Variants in RIC1 observed in about 807,000 individuals in gnomAD.
RIC1 encodes the protein RIC1 partner of RAB6A GEF complex, also known as guanine nucleotide exchange factor subunit RIC1.
In RIC1, 88 loss-of-function variants were observed where a neutral mutation model predicts 169.0. The observed-to-expected ratio is 0.52, with a 90% CI of 0.44 to 0.62. The LOEUF is 0.62. RIC1 is among the 20% of genes least tolerant of loss of function. The pLI is 0.00. For missense variants in RIC1, 1,877 were observed against 1,725.5 expected (o/e 1.09, Z -1.56); for synonymous variants, 790 against 601.5 (o/e 1.31, Z -4.59).
At chr9:5,671,347 T>C (rs773544634) in intron 2 of RIC1, among the ~76,000 whole-genome samples, 7 of 151,780 alleles carry the variant, frequency 4.6e-5, no homozygotes, top group Admixed American at 4.6e-4. Context: ...CAATCTCTGC[T>C]CACTGCAACC....
chr9:5,699,031 C>T (rs1351110902), intron 3 of RIC1, among the ~76,000 whole-genome samples: 2 of 152,132 alleles, frequency 1.3e-5, no homozygotes, highest in African/African-American at 4.8e-5. Flanking sequence ...AGACTTGACT[C>T]CTCTGGGGAA....
chr9:5,690,437 G>T (rs925861134), intron 3 of RIC1, among the ~76,000 whole-genome samples: 9 of 151,942 alleles, frequency 5.9e-5, no homozygotes, highest in African/African-American at 2.2e-4. Flanking sequence ...TTACCTCTTG[G>T]TTTAAATTTG....
intron 6 of RIC1, among the ~76,000 whole-genome samples, chr9:5,720,966 C>A (rs1823554685): frequency 6.6e-6 from 1 of 152,098 alleles, no homozygotes; most frequent in Admixed American, 6.6e-5. Flanking sequence ...TCTCCTCATG[C>A]CTAATTTTCC....
chr9:5,683,185 G>A (rs1234212080), intron 2 of RIC1, among the ~76,000 whole-genome samples: 1 of 152,190 alleles, frequency 6.6e-6, no homozygotes, highest in Non-Finnish European at 1.5e-5. Context: ...TACATTGTTT[G>A]TGAGGAGCTG....
intron 1 of RIC1, among the ~76,000 whole-genome samples, chr9:5,635,981 A>T (rs1817953240): frequency 6.6e-6 from 1 of 152,254 alleles, no homozygotes; most frequent in Non-Finnish European, 1.5e-5. Context: ...ACTAACACAC[A>T]GGTAATGTGA....
intron 23 of RIC1, among the ~76,000 whole-genome samples, chr9:5,772,143 C>T (rs931294413): frequency 1.3e-5 from 2 of 152,082 alleles, no homozygotes; most frequent in South Asian, 4.1e-4. Flanking sequence ...GTTCCCCCAC[C>T]CTCTCCTTTT....
chr9:5,768,883 T>C (rs771142292), intron 21 of RIC1, 87 bp from the exon 22 acceptor site: 1 of 1,388,096 alleles, frequency 7.2e-7, no homozygotes, highest in Non-Finnish European at 9.8e-7. Context: ...TATCTCCTTG[T>C]CAGCTTTATC....
intron 2 of RIC1, among the ~76,000 whole-genome samples, chr9:5,683,432 G>A (rs1358698668): frequency 1.3e-5 from 2 of 152,170 alleles, no homozygotes; most frequent in African/African-American, 4.8e-5. Flanking sequence ...GTTTGCCTGG[G>A]TATCAGCAGC....
At chr9:5,743,113 C>T in intron 9 of RIC1, 100 bp downstream of exon 9, 1 of 1,082,568 alleles carries the variant, frequency 9.2e-7, no homozygotes, top group Admixed American at 2.4e-5. Flanking sequence ...TTTGCCTTGA[C>T]TCTTACCTTA....
chr9:5,630,312 G>A (rs1222096999), intron 1 of RIC1, among the ~76,000 whole-genome samples: 1 of 152,176 alleles, frequency 6.6e-6, no homozygotes, highest in Admixed American at 6.5e-5. Context: ...GAACGACAGA[G>A]TTCAGAGTAT....
At chr9:5,723,634 A>G (rs1823758352) in intron 6 of RIC1, among the ~76,000 whole-genome samples, 1 of 152,192 alleles carries the variant, frequency 6.6e-6, no homozygotes, top group African/African-American at 2.4e-5. Flanking sequence ...GTCCTTGCCC[A>G]TGCCTATGGC....
chr9:5,720,220 C>CAG lies in RIC1; in HGVS notation c.479_480insAG (p.Asp161ValfsTer13). 6.2e-7 allele frequency: 1 copy of CAG among 1,613,014 alleles called. No individual in the cohort carries two copies. Among genetic ancestry groups the CAG allele is most frequent in the Non-Finnish European group, 8.5e-7 (1 of 1,179,014 alleles). ...TTGGAAGATCTCCTGGTTGCTACTT[C>CAG]TGATGGACTTCTTCATCTTATTCAC... On this transcript the variant is annotated frameshift_variant, in exon 5 of 26. Coordinates refer to ENST00000414202, the MANE Select transcript of RIC1 (RefSeq NM_020829.4). LOFTEE classifies it high-confidence loss of function.
At chr9:5,772,298 C>A (rs1370196824) in intron 23 of RIC1, among the ~76,000 whole-genome samples, 1 of 152,152 alleles carries the variant, frequency 6.6e-6, no homozygotes, top group African/African-American at 2.4e-5. Flanking sequence ...TGGTCAAACT[C>A]TAGCTAGATT....
chr9:5,649,504 C>T (rs1818690176), intron 1 of RIC1, among the ~76,000 whole-genome samples: 1 of 152,052 alleles, frequency 6.6e-6, no homozygotes, highest in South Asian at 2.1e-4. Flanking sequence ...TTAGTGAATT[C>T]TTCGGTTTGA....
chr9:5,671,528 G>T (rs755921159), intron 2 of RIC1, among the ~76,000 whole-genome samples: 1 of 152,072 alleles, frequency 6.6e-6, no homozygotes, highest in Non-Finnish European at 1.5e-5. Flanking sequence ...CGCCTGCCCC[G>T]GCCTCCCGAA....
rs1826424805 is a variant in RIC1 at position 5,762,721 on chromosome 9, G to C, written c.2112+61G>C. On this transcript the variant is annotated intron_variant, in intron 18 of 25. Coordinates refer to ENST00000414202, the MANE Select transcript of RIC1 (RefSeq NM_020829.4). Reference sequence around the variant, plus strand: ...AAGAAGGTATGGGATGAGGATGAAGGAATGAAACAATTTAAGAGAAGAGTA... The same window carrying C: ...AAGAAGGTATGGGATGAGGATGAAGCAATGAAACAATTTAAGAGAAGAGTA... The C allele has an allele frequency of 1.4e-5, 22 of 1,549,790 alleles. No individual in the cohort carries two copies. In the South Asian group the frequency reaches 2.5e-4, roughly 18 times the overall value.
chr9:5,691,403 C>G (rs150952847), intron 3 of RIC1, among the ~76,000 whole-genome samples: 1,549 of 152,016 alleles, frequency 0.01, 10 homozygotes, highest in Middle Eastern at 0.024. Context: ...GCTATAGCCA[C>G]TTGTTTTTGT....
intron 17 of RIC1, 34 bp from the exon 18 acceptor site, chr9:5,762,507 A>T: frequency 2.5e-6 from 4 of 1,612,090 alleles, no homozygotes; most frequent in Non-Finnish European, 3.4e-6. Flanking sequence ...CCGATACAGA[A>T]GTATGAATTT....
At position 5,720,559 on chromosome 9, in the gene RIC1, G is replaced by A. The variant is rs1235940178; in HGVS notation, c.584-55G>A. ...TACAGGTTTTTCTGGCAAAAAGTGAGAGAGTAATTTATTATATTCTTAATC... is the reference window on the plus strand; with the variant it reads ...TACAGGTTTTTCTGGCAAAAAGTGAAAGAGTAATTTATTATATTCTTAATC... On this transcript the variant is annotated intron_variant, in intron 5 of 25. Transcript: ENST00000414202. 5 of 1,492,324 alleles carry A rather than the reference G, an allele frequency of 3.4e-6. No homozygotes were observed. In the Admixed American group the frequency reaches 9.4e-5, roughly 28 times the overall value. The allele number at this position is 1,492,324 out of a possible 1,614,324, so 92.4% of individuals were successfully genotyped here. A position where few individuals can be genotyped will look rare whatever the true frequency, so the allele number is the denominator to read the frequency against.
Sources: allele counts gnomAD v4.1 joint callset (sites outside exome capture counted in the v4.1 genomes callset), GRCh38; gene constraint gnomAD v4.1.1; transcripts MANE v1.5; gene names NCBI Gene and HGNC (gene_info 2026-07-23, HGNC 2026-07-21).